The following BPHL variants were observed in gnomAD, a reference collection of about 807,000 sequenced individuals.
BPHL encodes the protein serine hydrolase BPHL.
In BPHL, 27 loss-of-function variants were observed where a neutral mutation model predicts 31.2. The observed-to-expected ratio is 0.87, with a 90% CI of 0.64 to 1.19. BPHL has a LOEUF of 1.19. Among genes scored for constraint, BPHL ranks in the 50% most tolerant of loss-of-function variants. The pLI is 0.00. For missense variants in BPHL, 356 were observed against 375.7 expected, an observed-to-expected ratio of 0.95 and a Z score of 0.43; for synonymous variants, 150 against 146.8, an observed-to-expected ratio of 1.02 and a Z score of -0.16.
At chr6:3,127,097 ATTGCAAG>A (rs1344958051) in intron 2 of BPHL, 138 bp from the exon 3 acceptor site, 19 of 508,948 alleles carry the variant, frequency 3.7e-5, no homozygotes, top group Non-Finnish European at 6.3e-5. Flanking sequence ...GGATTAAGTC[ATTGCAAG>A]GCTGCTTTCC....
intron 6 of BPHL, among the ~76,000 whole-genome samples, chr6:3,150,746 C>T (rs1464000261): frequency 1.3e-5 from 2 of 152,194 alleles, no homozygotes; most frequent in South Asian, 4.1e-4. Flanking sequence ...CAAAGAGGAA[C>T]ACACAACAGA....
chr6:3,149,247 A>G lies in BPHL; in HGVS notation c.789-3241A>G, dbSNP rs1390808737. 6.6e-6 allele frequency among the ~76,000 whole-genome samples: 1 copy of G among 152,160 alleles called. No homozygotes were observed. The highest frequency in any genetic ancestry group is 2.4e-5 in the African/African-American group (1 of 41,428). The stretch of plus-strand genomic sequence containing the variant: ...GTTTTCCTCCCACGATGATGCCTCC[A>G]GTTTACATCCAAATGTCACAGGAAG... On this transcript the variant is annotated intron_variant, in intron 6 of 6. Coordinates refer to ENST00000380379, the MANE Select transcript of BPHL (RefSeq NM_004332.4). This position sits in a 1 kb window ranked among gnomAD's most constrained non-coding sequence, Gnocchi z 4.6.
rs776786773 is a variant in BPHL, at chr6:3,129,097, C to A, written c.431C>A (p.Thr144Asn). 6.8e-6 allele frequency: 11 copies of A among 1,614,006 alleles called. No individual in the cohort carries two copies. In the South Asian group the frequency reaches 1.1e-4, roughly 16 times the overall value. The part of the protein sequence containing the change: ...SLLGWSDGGI[T>N]ALIAAAKYPS... ...CTGGGGTGGAGTGATGGGGGCATAA[C>A]CGCACTCATTGCTGCTGCAAAATAT... Residue 144 changes from threonine (T) to asparagine (N), a missense_variant, in exon 4 of 7, where the codon ACC becomes AAC. Coordinates refer to ENST00000380379, the MANE Select transcript of BPHL (RefSeq NM_004332.4).
intron 1 of BPHL, among the ~76,000 whole-genome samples, chr6:3,122,677 G>C (rs914284312): frequency 1.2e-4 from 18 of 152,306 alleles, no homozygotes; most frequent in Middle Eastern, 3.4e-3. Flanking sequence ...AGGCCAAGGC[G>C]GGTGAGTGGC....
At chr6:3,135,825 A>G (rs963766295) in intron 4 of BPHL, among the ~76,000 whole-genome samples, 5 of 152,248 alleles carry the variant, frequency 3.3e-5, no homozygotes, top group African/African-American at 1.2e-4. Context: ...TAAACAAAGC[A>G]GTGAGCATAA....
At chr6:3,124,217 A>C (rs968781416) in intron 2 of BPHL, 1 of 152,100 alleles carries the variant, frequency 6.6e-6, no homozygotes, top group African/African-American at 2.4e-5. Flanking sequence ...GAAAAAAAAA[A>C]CCTCAGTTTG....
Position 3,152,447 on chromosome 6 carries a change from G to A in BPHL, c.789-41G>A, listed in dbSNP as rs374635033. ...GAGAGTGAGGGGTTTGTTCTTAAGT[G>A]GTGGGCCATTGACCCAAAGTATTTT... On this transcript the variant is annotated intron_variant, in intron 6 of 6. Transcript: ENST00000380379. 2.1e-5 allele frequency: 32 copies of A among 1,552,704 alleles called. No homozygotes were observed. In the African/African-American group the frequency reaches 4.1e-4, roughly 20 times the overall value.
At chr6:3,131,386 C>T (rs1387388086) in intron 4 of BPHL, among the ~76,000 whole-genome samples, 1 of 152,130 alleles carries the variant, frequency 6.6e-6, no homozygotes, top group Non-Finnish European at 1.5e-5. Flanking sequence ...CTCGAGGGCC[C>T]AGTCCTCCTC....
rs769087485 is a variant in BPHL, at chr6:3,140,407, T to C, written c.686T>C (p.Leu229Pro). ...TCAGGTAACATCTGCCGGCACCTGC[T>C]GCCCCGGGTCCAGTGCCCCGCCTTG... is the stretch of plus-strand genomic sequence containing the variant. ...LPDGNICRHLLPRVQCPALIV... is the reference protein window; with the variant it reads ...LPDGNICRHLPPRVQCPALIV... The change falls in exon 6 of 7, where the codon CTG becomes CCG. Residue 229 changes from leucine (L) to proline (P), a missense_variant. By Grantham distance (98) the Leu-to-Pro change is moderately conservative. Transcript: ENST00000380379. This position sits in a 1 kb window ranked among gnomAD's most constrained non-coding sequence, Gnocchi z 5.2. The C allele has an allele frequency of 3.8e-5, 61 of 1,614,048 alleles. No individual in the cohort carries two copies. The highest frequency in any genetic ancestry group is 8.9e-5 in the East Asian group (4 of 44,892).
intron 6 of BPHL, among the ~76,000 whole-genome samples, chr6:3,141,376 T>G (rs1173711276): frequency 1.3e-5 from 2 of 151,224 alleles, no homozygotes; most frequent in Non-Finnish European, 3.0e-5. Flanking sequence ...AGGGAGTTGG[T>G]TTTTTTTTGG....
At chr6:3,136,270 G>T (rs373596093) in intron 4 of BPHL, among the ~76,000 whole-genome samples, 1 of 152,018 alleles carries the variant, frequency 6.6e-6, no homozygotes. Flanking sequence ...CTTACCCTCC[G>T]CCCCCAAATG....
intron 6 of BPHL, chr6:3,150,062 T>C (rs1762479539): frequency 6.6e-6 from 1 of 152,350 alleles, no homozygotes; most frequent in East Asian, 1.9e-4. Flanking sequence ...AGAAGTGATA[T>C]GCCATGTTGC....
At position 3,140,036 on chromosome 6, in the gene BPHL, A is replaced by G. The variant is rs564186488; in HGVS notation, c.665-350A>G. 2.5e-4 allele frequency: 65 copies of G among 256,454 alleles called. No homozygotes were observed. Among genetic ancestry groups the G allele is most frequent in the Non-Finnish European group, 4.6e-4 (61 of 133,166 alleles). 15.9% of individuals were successfully genotyped at this position (256,454 alleles called of 1,614,324 possible). A position where few individuals can be genotyped will look rare whatever the true frequency, so the allele number is the denominator to read the frequency against. On this transcript the variant is annotated intron_variant, in intron 5 of 6. Transcript: ENST00000380379. This position sits in a 1 kb window ranked among gnomAD's most constrained non-coding sequence, Gnocchi z 5.2. ...CGTGATTTCCAGGGAAAAGCTCTAC[A>G]GGTGTCAAGCACCTACCACTGTTTT...
At chr6:3,119,092 A>G (rs1333271810) in intron 1 of BPHL, among the ~76,000 whole-genome samples, 1 of 151,630 alleles carries the variant, frequency 6.6e-6, no homozygotes, top group Non-Finnish European at 1.5e-5. Flanking sequence ...GGAGCCGTGG[A>G]GGCTTGGGCT....
chr6:3,120,408 C>T (rs966407721), intron 1 of BPHL, among the ~76,000 whole-genome samples: 1 of 152,140 alleles, frequency 6.6e-6, no homozygotes. Flanking sequence ...GCAGATCATT[C>T]TTCCTAAAAT....
chr6:3,132,787 C>T (rs1293258521), intron 4 of BPHL, among the ~76,000 whole-genome samples: 1 of 152,194 alleles, frequency 6.6e-6, no homozygotes, highest in African/African-American at 2.4e-5. Context: ...TCTGTGATTA[C>T]ACCACTGCAC....
upstream of BPHL, chr6:3,118,414 T>C (rs1459627778): frequency 1.2e-5 from 3 of 241,462 alleles, no homozygotes; most frequent in Non-Finnish European, 2.4e-5. Flanking sequence ...CCTCGCCTCC[T>C]GGAAAGGCCA....
upstream of BPHL, chr6:3,118,510 G>T: frequency 2.7e-6 from 1 of 372,014 alleles, no homozygotes; most frequent in Non-Finnish European, 4.8e-6. Flanking sequence ...AGAGGGGACG[G>T]TCTACGCGGG....
intron 4 of BPHL, among the ~76,000 whole-genome samples, chr6:3,130,856 T>G (rs899040485): frequency 2.6e-5 from 4 of 152,194 alleles, no homozygotes; most frequent in African/African-American, 9.7e-5. Context: ...TAAATGAATA[T>G]GAAGCTCTTA....
Sources: gnomAD v4.1 joint callset for allele counts (sites outside exome capture counted in the v4.1 genomes callset) on GRCh38, gnomAD v4.1.1 for gene constraint, Gnocchi (gnomAD v3.1) non-coding constraint, MANE v1.5 for transcripts, NCBI Gene and HGNC (gene_info 2026-07-23, HGNC 2026-07-21) for gene names.